The following PDE7B variants were observed in gnomAD, a reference collection of about 807,000 sequenced individuals.
PDE7B encodes the protein phosphodiesterase 7B, also known as 3',5'-cyclic-AMP phosphodiesterase 7B.
A neutral mutation model predicts 56.2 loss-of-function variants in PDE7B; 29 were observed. That is an observed-to-expected ratio of 0.52 (90% CI 0.38 to 0.70). The LOEUF (loss-of-function observed/expected upper bound fraction) is 0.70, where lower values mean the gene tolerates loss of function less well. Among genes scored for constraint, PDE7B ranks in the 30% least tolerant of loss-of-function variants. The probability of loss-of-function intolerance (pLI) is 0.00; values close to 1 mark genes in which losing one functional copy is unlikely to be tolerated. For synonymous variants in PDE7B, 197 were observed against 196.9 expected, an observed-to-expected ratio of 1.00 and a Z score of 0.00; for missense variants, 490 against 565.0, an observed-to-expected ratio of 0.87 and a Z score of 1.35.
At chr6:136,066,618 T>C (rs1287111507) in intron 2 of PDE7B, among the ~76,000 whole-genome samples, 7 of 152,162 alleles carry the variant, frequency 4.6e-5, no homozygotes, top group Non-Finnish European at 7.3e-5. Flanking sequence ...AAGTTTTTAC[T>C]AAAAATCCTT....
intron 2 of PDE7B, among the ~76,000 whole-genome samples, chr6:135,969,923 A>T (rs1205181078): frequency 6.6e-6 from 1 of 152,172 alleles, no homozygotes; most frequent in African/African-American, 2.4e-5. Flanking sequence ...AATGATGAAG[A>T]TGGTGTTGAA....
chr6:135,866,179 C>T (rs1446281718), intron 1 of PDE7B, among the ~76,000 whole-genome samples: 1 of 152,098 alleles, frequency 6.6e-6, no homozygotes, highest in African/African-American at 2.4e-5. Flanking sequence ...CCTCTCACCA[C>T]CACCATTCAC....
intron 2 of PDE7B, chr6:136,071,183 A>G (rs1777044536): frequency 6.6e-6 from 1 of 152,208 alleles, no homozygotes; most frequent in African/African-American, 2.4e-5. Context: ...TATTTCAGTT[A>G]CAGGCACTCA....
chr6:136,132,123 G>A (rs964602179), intron 3 of PDE7B, among the ~76,000 whole-genome samples: 29 of 152,120 alleles, frequency 1.9e-4, no homozygotes, highest in African/African-American at 6.3e-4. Context: ...GTACAATGTT[G>A]TACAGCCGAC....
At chr6:135,853,612 G>GT (rs1774974586) in intron 1 of PDE7B, among the ~76,000 whole-genome samples, 1 of 152,156 alleles carries the variant, frequency 6.6e-6, no homozygotes, top group South Asian at 2.1e-4. Flanking sequence ...TCTCTGCCTT[G>GT]TAAGAATTTT....
At chr6:135,997,368 C>G (rs1226380305) in intron 2 of PDE7B, among the ~76,000 whole-genome samples, 1 of 119,024 alleles carries the variant, frequency 8.4e-6, no homozygotes, top group Admixed American at 1.2e-4. Context: ...GAGCCATGAT[C>G]ATGCCACTGC....
At chr6:136,056,512 C>CTTTTTTTTTTT (rs542232291) in intron 2 of PDE7B, among the ~76,000 whole-genome samples, 1 of 53,942 alleles carries the variant, frequency 1.9e-5, no homozygotes, top group Non-Finnish European at 3.2e-5. Context: ...AGATAGAATC[C>CTTTTTTTTTTT]TTTTTTTTTT....
chr6:135,949,837 G>C lies in PDE7B; in HGVS notation c.82+2313G>C, dbSNP rs532252196. ...AAGTATACATTTTACCTTTAAGATA[G>C]ACAGTAAATAATTAATGACTATTCA... On this transcript the variant is annotated intron_variant, in intron 2 of 12. Transcript: ENST00000308191. Among the ~76,000 whole-genome samples the C allele has an allele frequency of 4.8e-4, 73 of 152,180 alleles. 1 individual carries two copies. The South Asian group carries it at 6.0e-3, about 13-fold the overall frequency.
At chr6:136,021,900 A>G (rs2128208176) in intron 2 of PDE7B, among the ~76,000 whole-genome samples, 1 of 152,356 alleles carries the variant, frequency 6.6e-6, no homozygotes, top group South Asian at 2.1e-4. Flanking sequence ...GAGACATCCA[A>G]GATCATTCTC....
rs1241931673 is a variant in PDE7B, at chr6:135,851,751, GGAGAAAA to G, written c.-246_-240del. 1 of 484,422 alleles carries G rather than the reference GGAGAAAA, an allele frequency of 2.1e-6. No homozygotes were observed. Among genetic ancestry groups the G allele is most frequent in the Non-Finnish European group, 3.7e-6 (1 of 272,682 alleles). 30.0% of individuals were successfully genotyped at this position (484,422 alleles called of 1,614,324 possible). ...TCGGCTCTGTCCCAGCACTTGTCTGGGAGAAAAGTGGTGTTACTCACCCAGGGAGAGT... is the reference window on the plus strand; with the variant it reads ...TCGGCTCTGTCCCAGCACTTGTCTGGGTGGTGTTACTCACCCAGGGAGAGT... On this transcript the variant is annotated 5_prime_UTR_variant, in exon 1 of 13. Transcript: ENST00000308191.
intron 2 of PDE7B, among the ~76,000 whole-genome samples, chr6:136,010,976 A>T (rs1775882976): frequency 6.6e-6 from 1 of 152,106 alleles, no homozygotes; most frequent in African/African-American, 2.4e-5. Flanking sequence ...GGGAAATTAC[A>T]TGCTCTCTAG....
chr6:135,985,346 T>G (rs1775359641), intron 2 of PDE7B, among the ~76,000 whole-genome samples: 1 of 152,200 alleles, frequency 6.6e-6, no homozygotes, highest in South Asian at 2.1e-4. Flanking sequence ...TTTCTGAGGT[T>G]GGATAGGACA....
At chr6:136,148,329 C>T (rs1379291088) in intron 4 of PDE7B, among the ~76,000 whole-genome samples, 2 of 150,312 alleles carry the variant, frequency 1.3e-5, no homozygotes, top group South Asian at 2.1e-4. Flanking sequence ...GTACTCCAGC[C>T]TGGGGTACAG....
At chr6:136,113,536 T>C (rs1434863285) in intron 3 of PDE7B, among the ~76,000 whole-genome samples, 1 of 152,216 alleles carries the variant, frequency 6.6e-6, no homozygotes, top group African/African-American at 2.4e-5. Flanking sequence ...GATAGATCTT[T>C]AAAGACTGTT....
intron 3 of PDE7B, among the ~76,000 whole-genome samples, chr6:136,129,753 C>A (rs1400188578): frequency 1.3e-5 from 2 of 152,202 alleles, no homozygotes; most frequent in Admixed American, 6.5e-5. Context: ...TCTAAAAGTA[C>A]TCAGCTAAAT....
At chr6:136,073,876 A>C (rs915064086) in intron 2 of PDE7B, among the ~76,000 whole-genome samples, 1 of 152,340 alleles carries the variant, frequency 6.6e-6, no homozygotes, top group African/African-American at 2.4e-5. Context: ...TTGTTGTGAA[A>C]GTACAATGCG....
chr6:135,967,394 T>A (rs1042391132), intron 2 of PDE7B, among the ~76,000 whole-genome samples: 5 of 152,256 alleles, frequency 3.3e-5, no homozygotes, highest in Non-Finnish European at 5.9e-5. Context: ...GTAAAGGGTA[T>A]GGTCACTTTC....
At chr6:135,906,827 T>TTTTTTTTG (rs1776121817) in intron 1 of PDE7B, among the ~76,000 whole-genome samples, 1 of 133,454 alleles carries the variant, frequency 7.5e-6, no homozygotes, top group Non-Finnish European at 1.6e-5. Context: ...TTTTTTTTTT[T>TTTTTTTTG]TTTTTTTTTA....
rs1031037048 is a variant in PDE7B, at chr6:136,000,735, C to T, written c.82+53211C>T. Reference sequence around the variant, plus strand: ...TTAAGATTGCCTTGGCTAAGGAGGCCTGCCTGCCTCTGTAGGCTCCACCTC... The same window carrying T: ...TTAAGATTGCCTTGGCTAAGGAGGCTTGCCTGCCTCTGTAGGCTCCACCTC... On this transcript the variant is annotated intron_variant, in intron 2 of 12. Coordinates refer to ENST00000308191, the MANE Select transcript of PDE7B (RefSeq NM_018945.4). 8.5e-5 allele frequency among the ~76,000 whole-genome samples: 13 copies of T among 152,152 alleles called. No homozygotes were observed. The East Asian group carries it at 2.5e-3, about 29-fold the overall frequency.
Sources: allele counts gnomAD v4.1 joint callset (sites outside exome capture counted in the v4.1 genomes callset), GRCh38; gene constraint gnomAD v4.1.1; transcripts MANE v1.5; gene names NCBI Gene and HGNC (gene_info 2026-07-23, HGNC 2026-07-21).